The following TGM1 variants were observed in gnomAD, a reference collection of about 807,000 sequenced individuals.
TGM1 encodes protein-glutamine gamma-glutamyltransferase K.
A neutral mutation model predicts 88.7 loss-of-function variants in TGM1; 63 were observed. That is an observed-to-expected ratio of 0.71 (90% CI 0.58 to 0.88). The LOEUF (loss-of-function observed/expected upper bound fraction) is 0.88, where lower values mean the gene tolerates loss of function less well. TGM1 is among the 40% of genes least tolerant of loss of function. TGM1 has a pLI of 0.00. For synonymous variants in TGM1, 415 were observed against 431.1 expected, an observed-to-expected ratio of 0.96 and a Z score of 0.46; for missense variants, 996 against 1,118.0, an observed-to-expected ratio of 0.89 and a Z score of 1.56.
rs1437379232 is a variant in TGM1 at position 24,262,183 on chromosome 14, G to A, written c.170C>T (p.Ala57Val). Residue 57 changes from alanine to valine, a missense_variant, in exon 2 of 15, where the codon GCA becomes GTA. Ala to Val is a moderately conservative substitution (Grantham distance 64). Transcript: ENST00000206765. ...CCGCCSCRNA[A>V]DDDWGPEPSD... Reference sequence around the variant, plus strand: ...GGGTTCAGGTCCCCAGTCGTCATCTGCCGCATTTCGGCATGAACAGCAGCC... The same window carrying A: ...GGGTTCAGGTCCCCAGTCGTCATCTACCGCATTTCGGCATGAACAGCAGCC... The A allele has an allele frequency of 2.5e-6, 4 of 1,613,758 alleles. No homozygotes were observed. The East Asian group carries it at 8.9e-5, about 36-fold the overall frequency.
intron 3 of TGM1, among the ~76,000 whole-genome samples, chr14:24,260,919 C>T (rs2040803784): frequency 6.6e-6 from 1 of 152,244 alleles, no homozygotes; most frequent in African/African-American, 2.4e-5. Context: ...CATCCCAAAC[C>T]TGTTCCCCTG....
At chr14:24,261,081 G>C in intron 3 of TGM1, among the ~76,000 whole-genome samples, 1 of 152,192 alleles carries the variant, frequency 6.6e-6, no homozygotes, top group African/African-American at 2.4e-5. Flanking sequence ...CTGCTTCCTG[G>C]GGCTGCAGCT....
At position 24,258,583 on chromosome 14, in the gene TGM1, A is replaced by G. The variant is rs2040777664; in HGVS notation, c.1250T>C (p.Phe417Ser). ...CTCCAGGGGCTTCATGTTCTCGTCG[A>G]AGTAGATGTCCATGGTAAGGGATGT... ...TDTSLTMDIY[F>S]DENMKPLEHL... The change falls in exon 8 of 15, where the codon TTC becomes TCC. Residue 417 changes from phenylalanine (F) to serine (S), a missense_variant. Transcript: ENST00000206765. 6.2e-7 allele frequency: 1 copy of G among 1,614,112 alleles called. No individual in the cohort carries two copies. Among genetic ancestry groups the G allele is most frequent in the African/African-American group, 1.3e-5 (1 of 75,006 alleles).
At chr14:24,256,899 G>A (rs1294817285) in intron 9 of TGM1, among the ~76,000 whole-genome samples, 1 of 152,164 alleles carries the variant, frequency 6.6e-6, no homozygotes, top group Non-Finnish European at 1.5e-5. Context: ...TTCAGATACA[G>A]AATTTCTCAT....
chr14:24,258,781 T>TAG, intron 7 of TGM1, 108 bp from the exon 8 acceptor site: 1 of 1,516,258 alleles, frequency 6.6e-7, no homozygotes, highest in South Asian at 1.3e-5. Flanking sequence ...AAGCTGGGCA[T>TAG]AGACTGCCAG....
chr14:24,253,107 T>C (rs940742660), intron 14 of TGM1, among the ~76,000 whole-genome samples: 2 of 152,124 alleles, frequency 1.3e-5, no homozygotes, highest in African/African-American at 4.8e-5. Flanking sequence ...AACAATGAGT[T>C]TGAGAGCCTG....
rs3742506 is a variant in TGM1, at chr14:24,255,935, G to A, written c.1491+54C>T. On this transcript the variant is annotated intron_variant, in intron 10 of 14. Coordinates refer to ENST00000206765, the MANE Select transcript of TGM1 (RefSeq NM_000359.3). This position sits in a 1 kb window ranked among gnomAD's most constrained non-coding sequence, Gnocchi z 4.0. ...GCTGGTCAGTCAGCGGTGAAGTTGG[G>A]ACCAGAGAACCCATGACTGAAGCCC... 64,428 of 1,437,170 alleles carry A rather than the reference G, an allele frequency of 0.045. 1,577 individuals carry two copies. Among genetic ancestry groups the A allele is most frequent in the Middle Eastern group, 0.076 (436 of 5,746 alleles). 89.0% of individuals were successfully genotyped at this position (1,437,170 alleles called of 1,614,324 possible). A position where few individuals can be genotyped will look rare whatever the true frequency, so the allele number is the denominator to read the frequency against.
rs143175209 is a variant in TGM1, at chr14:24,254,673, G to A, written c.2079C>T (p.Leu693=). The change falls in exon 13 of 15, where the codon CTC becomes CTT. Residue 693 remains leucine (L), a synonymous_variant. Coordinates refer to ENST00000206765, the MANE Select transcript of TGM1 (RefSeq NM_000359.3). ...AGCAAACTGCATTCACCGTGAGGGA[G>A]AGGTCTGGGGTGCGCAGACGGAAGG... is the stretch of plus-strand genomic sequence containing the variant. ...QHTFRLRTPD[L]SLTLLGAAVV... is the part of the protein sequence containing the mutation. 1.2e-5 allele frequency: 19 copies of A among 1,613,898 alleles called. No individual in the cohort carries two copies. The highest frequency in any genetic ancestry group is 1.6e-5 in the Non-Finnish European group (19 of 1,180,050).
At chr14:24,257,964 AAAGC>A (rs2040769762) in intron 9 of TGM1, among the ~76,000 whole-genome samples, 1 of 152,232 alleles carries the variant, frequency 6.6e-6, no homozygotes, top group African/African-American at 2.4e-5. Context: ...TGTAAGTTAA[AAAGC>A]AAGTAAGAAT....
rs766014574 is a variant in TGM1 at position 24,262,337 on chromosome 14, GT to G, written c.15del (p.Arg6ValfsTer105). 6.2e-7 allele frequency: 1 copy of G among 1,613,638 alleles called. No homozygotes were observed. Among genetic ancestry groups the G allele is most frequent in the Non-Finnish European group, 8.5e-7 (1 of 1,180,036 alleles). The stretch of plus-strand genomic sequence containing the variant: ...CCACCCCAACGGCCCACATCGGAAC[GT>G]GGCCCATCCATCATGCCTGTTAGGA... Reference protein sequence around the residue: MMDGPRSDVGRWGGN... With the variant: MMDGXRSDVGRWGGN... On this transcript the variant is annotated frameshift_variant, in exon 2 of 15. Transcript: ENST00000206765. LOFTEE classifies it high-confidence loss of function.
In TGM1 at chr14:24,255,255, T is replaced by TG; in HGVS notation, c.1646-3dup. 6.2e-7 allele frequency: 1 copy of TG among 1,613,842 alleles called. No individual in the cohort carries two copies. Among genetic ancestry groups the TG allele is most frequent in the Non-Finnish European group, 8.5e-7 (1 of 1,180,032 alleles). On this transcript the variant is annotated splice_polypyrimidine_tract_variant and splice_region_variant and intron_variant, in intron 11 of 14. Coordinates refer to ENST00000206765, the MANE Select transcript of TGM1 (RefSeq NM_000359.3). The surrounding 1 kb of genome is among the most constrained non-coding windows in gnomAD (Gnocchi z 4.0). ...CTGCCTTCCGCTCTGCGTCTGAGCC[T>TG]GGGGGTTGAGGGTCAAGGGTGAGGT...
rs752085966 is a variant in TGM1, at chr14:24,258,679, G to C, written c.1160-6C>G. 6.2e-7 allele frequency: 1 copy of C among 1,613,644 alleles called. No homozygotes were observed. Among genetic ancestry groups the C allele is most frequent in the East Asian group, 2.2e-5 (1 of 44,874 alleles). ...CAGACCCAGGCAGCGCAGCACTGTGGAGGAGCGAAGGTTGGGGTTCAAGGC... is the reference window on the plus strand; with the variant it reads ...CAGACCCAGGCAGCGCAGCACTGTGCAGGAGCGAAGGTTGGGGTTCAAGGC... On this transcript the variant is annotated splice_region_variant and splice_polypyrimidine_tract_variant and intron_variant, in intron 7 of 14. Transcript: ENST00000206765.
chr14:24,253,916 A>C (rs2040721242), intron 14 of TGM1, among the ~76,000 whole-genome samples: 1 of 152,126 alleles, frequency 6.6e-6, no homozygotes, highest in African/African-American at 2.4e-5. Flanking sequence ...TCTGCTCCCT[A>C]ATTAGATAGT....
chr14:24,262,906 T>TA (rs943977924), intron 1 of TGM1, among the ~76,000 whole-genome samples, 183 bp downstream of exon 1: 16 of 152,166 alleles, frequency 1.1e-4, no homozygotes, highest in Admixed American at 1.0e-3. Flanking sequence ...CCAGGAGGGG[T>TA]AGGGCATGGC....
At position 24,254,280 on chromosome 14, in the gene TGM1, T is replaced by C. The variant is rs369548118; in HGVS notation, c.2097A>G (p.Gly699=). 1.2e-6 allele frequency: 2 copies of C among 1,613,820 alleles called. No individual in the cohort carries two copies. The highest frequency in any genetic ancestry group is 2.7e-5 in the African/African-American group (2 of 74,850). ...CACACTCCTGGCCAACCACTGCTGCTCCCAGTAACTGAGAGAAAAAGAGGC... is the reference window on the plus strand; with the variant it reads ...CACACTCCTGGCCAACCACTGCTGCCCCCAGTAACTGAGAGAAAAAGAGGC... ...RTPDLSLTLL[G]AAVVGQECEV... The change falls in exon 14 of 15, where the codon GGA becomes GGG. Residue 699 remains glycine, a synonymous_variant. Transcript: ENST00000206765.
Position 24,259,317 on chromosome 14 carries a change from G to C in TGM1, c.985-68C>G. Reference sequence around the variant, plus strand: ...CTCAGGACCTGCCATGTGGTCCATGGGGACCAGCCGGGCCCCGATCCTGCA... The same window carrying C: ...CTCAGGACCTGCCATGTGGTCCATGCGGACCAGCCGGGCCCCGATCCTGCA... On this transcript the variant is annotated intron_variant, in intron 6 of 14. Transcript: ENST00000206765. This position sits in a 1 kb window ranked among gnomAD's most constrained non-coding sequence, Gnocchi z 5.7. 1 of 1,471,178 alleles carries C rather than the reference G, an allele frequency of 6.8e-7. No individual in the cohort carries two copies. The highest frequency in any genetic ancestry group is 9.3e-7 in the Non-Finnish European group (1 of 1,072,428). The allele number at this position is 1,471,178 out of a possible 1,614,324, so 91.1% of individuals were successfully genotyped here.
At chr14:24,261,593 G>A in intron 3 of TGM1, 102 bp downstream of exon 3, 1 of 1,408,212 alleles carries the variant, frequency 7.1e-7, no homozygotes, top group Non-Finnish European at 1.0e-6. Context: ...GCAGAGGTGA[G>A]GAGTGGGGCA....
rs993183872 is a variant in TGM1, at chr14:24,249,372, C to T, written c.2395G>A (p.Ala799Thr). The T allele has an allele frequency of 1.5e-5, 24 of 1,613,918 alleles. No homozygotes were observed. The highest frequency in any genetic ancestry group is 5.0e-5 in the Admixed American group (3 of 60,006). ...TCTCCTAAGTGACTGTCACCTCCAG[C>T]GTCTGAGAAGAAGCCCCCATCCCCA... ...APGDGGFFSD[A>T]GGDSHLGETI... The change falls in exon 15 of 15, where the codon GCT becomes ACT. Residue 799 changes from alanine (A) to threonine (T), a missense_variant. By Grantham distance (58) the Ala-to-Thr change is moderately conservative. Transcript: ENST00000206765.
chr14:24,256,127 G>T, intron 9 of TGM1, 50 bp from the exon 10 acceptor site: 1 of 1,463,116 alleles, frequency 6.8e-7, no homozygotes, highest in Non-Finnish European at 9.4e-7. Flanking sequence ...GGCGGAGAGG[G>T]CTCTTCAGAC....
Sources: allele counts gnomAD v4.1 joint callset (sites outside exome capture counted in the v4.1 genomes callset), GRCh38; gene constraint gnomAD v4.1.1; non-coding constraint Gnocchi (gnomAD v3.1); transcripts MANE v1.5; gene names NCBI Gene and HGNC (gene_info 2026-07-23, HGNC 2026-07-21).